RRP1: variants seen among roughly 807,000 people sequenced by gnomAD.
The protein encoded by RRP1 is ribosomal RNA processing protein 1 homolog A.
A neutral mutation model predicts 54.6 loss-of-function variants in RRP1; 37 were observed. The observed-to-expected ratio is 0.68, with a 90% CI of 0.52 to 0.89. RRP1 has a LOEUF of 0.89. Ranked by LOEUF, RRP1 falls within the 40% of genes least tolerant of loss-of-function variation. The pLI is 0.00. For synonymous variants in RRP1, 262 were observed against 244.3 expected, an observed-to-expected ratio of 1.07 and a Z score of -0.67; for missense variants, 639 against 612.5, an observed-to-expected ratio of 1.04 and a Z score of -0.46.
In RRP1 at chr21:43,803,974, C is replaced by T. The variant is rs1051120048; in HGVS notation, c.*200C>T. On this transcript the variant is annotated 3_prime_UTR_variant, in exon 13 of 13. Coordinates refer to ENST00000497547, the MANE Select transcript of RRP1 (RefSeq NM_003683.6). ...GAACTGGACCTTTCCCCAGAGCCTC[C>T]GCCTGTGGCTGTGATGACCTTGGGC... 9.6e-6 allele frequency: 6 copies of T among 625,604 alleles called. No individual in the cohort carries two copies. Among genetic ancestry groups the T allele is most frequent in the South Asian group, 5.9e-5 (2 of 34,078 alleles). 38.8% of individuals were successfully genotyped at this position (625,604 alleles called of 1,614,324 possible).
At position 43,797,501 on chromosome 21, in the gene RRP1, CACTTCA is replaced by C; in HGVS notation, c.503_508del (p.His168_Ile170delinsLeu). On this transcript the variant is annotated inframe_deletion, in exon 6 of 13. Transcript: ENST00000497547. The stretch of plus-strand genomic sequence containing the variant: ...CCAGGCCCCCAACGGTGTGAAGAGC[CACTTCA>C]TCGAGATCTTCCTGGAGGAGCTGAC... 6.2e-7 allele frequency: 1 copy of C among 1,613,958 alleles called. No homozygotes were observed. Among genetic ancestry groups the C allele is most frequent in the Non-Finnish European group, 8.5e-7 (1 of 1,179,992 alleles).
rs774722040 is a variant in RRP1, at chr21:43,799,550, CG to C, written c.812-16del. 214 of 1,594,090 alleles carry C rather than the reference CG, an allele frequency of 1.3e-4. No homozygotes were observed. The highest frequency in any genetic ancestry group is 1.6e-4 in the Non-Finnish European group (189 of 1,174,036). On this transcript the variant is annotated intron_variant, in intron 8 of 12. Coordinates refer to ENST00000497547, the MANE Select transcript of RRP1 (RefSeq NM_003683.6). Reference sequence around the variant, plus strand: ...ACACGTTGGGCACAGGTAGGGTTCACGGGGTCCCTTTTGTTCCAGGCTCCAT... The same window carrying C: ...ACACGTTGGGCACAGGTAGGGTTCACGGGTCCCTTTTGTTCCAGGCTCCAT...
intron 4 of RRP1, among the ~76,000 whole-genome samples, chr21:43,794,172 A>C (rs555482119): frequency 6.6e-6 from 1 of 152,140 alleles, no homozygotes; most frequent in African/African-American, 2.4e-5. Flanking sequence ...GACAGCATAT[A>C]TACCAGTGAT....
intron 3 of RRP1, chr21:43,793,078 T>C: frequency 1.8e-6 from 1 of 562,728 alleles, no homozygotes. Context: ...TCCTCTGTTC[T>C]CTGGTGACCG....
intron 1 of RRP1, among the ~76,000 whole-genome samples, chr21:43,790,072 A>C (rs1215747781): frequency 6.6e-6 from 1 of 152,064 alleles, no homozygotes; most frequent in Admixed American, 6.5e-5. Context: ...CTGTTTGGGC[A>C]CCCAGTATTT....
chr21:43,795,280 G>A (rs1194786819), intron 5 of RRP1, 30 bp downstream of exon 5: 2 of 1,609,748 alleles, frequency 1.2e-6, no homozygotes, highest in East Asian at 2.2e-5. Context: ...GCTCTGGGGG[G>A]ACGCTGTTCT....
In RRP1 at chr21:43,802,222, A is replaced by G; in HGVS notation, c.1010-52A>G. On this transcript the variant is annotated intron_variant, in intron 11 of 12. Coordinates refer to ENST00000497547, the MANE Select transcript of RRP1 (RefSeq NM_003683.6). ...GCCTGCTGGAAGCAGCGAGCCTCAA[A>G]CCATAAGTCCCCAGCCCCCGAGAGC... 2.9e-6 allele frequency: 4 copies of G among 1,383,638 alleles called. No individual in the cohort carries two copies. The East Asian group carries it at 9.1e-5, about 32-fold the overall frequency. The allele number at this position is 1,383,638 out of a possible 1,614,324, so 85.7% of individuals were successfully genotyped here. A position where few individuals can be genotyped will look rare whatever the true frequency, so the allele number is the denominator to read the frequency against.
At chr21:43,795,863 T>C (rs904023587) in intron 5 of RRP1, among the ~76,000 whole-genome samples, 27 of 152,192 alleles carry the variant, frequency 1.8e-4, no homozygotes, top group African/African-American at 6.0e-4. Flanking sequence ...GTAAATTGGC[T>C]GGGCGCGGTG....
chr21:43,803,540 G>T lies in RRP1; in HGVS notation c.1152G>T (p.Pro384=). Residue 384 remains proline, a synonymous_variant, in exon 13 of 13, where the codon CCG becomes CCT. Coordinates refer to ENST00000497547, the MANE Select transcript of RRP1 (RefSeq NM_003683.6). ...RGKGEKEPPS[P]GMERKRSRRR... is the part of the protein sequence containing the mutation. ...AAGGTGAGAAGGAGCCCCCGAGCCC[G>T]GGCATGGAGAGGAAGAGGAGCAGGA... 2.6e-6 allele frequency: 4 copies of T among 1,557,304 alleles called. No homozygotes were observed. The highest frequency in any genetic ancestry group is 4.3e-4 in the Middle Eastern group (2 of 4,688).
intron 8 of RRP1, 46 bp from the exon 9 acceptor site, chr21:43,799,524 C>T: frequency 6.8e-7 from 1 of 1,463,156 alleles, no homozygotes. Context: ...TTGGGGCCAG[C>T]ACACGTTGGG....
chr21:43,802,610 G>T (rs898425864), intron 12 of RRP1: 7 of 529,850 alleles, frequency 1.3e-5, no homozygotes, highest in Non-Finnish European at 2.4e-5. Context: ...CAGCTCCCCC[G>T]AGCTGTGTGC....
Position 43,803,976 on chromosome 21 carries a change from C to A in RRP1, c.*202C>A. ...ACTGGACCTTTCCCCAGAGCCTCCG[C>A]CTGTGGCTGTGATGACCTTGGGCCA... On this transcript the variant is annotated 3_prime_UTR_variant, in exon 13 of 13. Coordinates refer to ENST00000497547, the MANE Select transcript of RRP1 (RefSeq NM_003683.6). 1 of 622,688 alleles carries A rather than the reference C, an allele frequency of 1.6e-6. No individual in the cohort carries two copies. Among genetic ancestry groups the A allele is most frequent in the South Asian group, 2.9e-5 (1 of 34,042 alleles). The allele number at this position is 622,688 out of a possible 1,614,324, so 38.6% of individuals were successfully genotyped here.
At position 43,804,110 on chromosome 21, in the gene RRP1, C is replaced by T. The variant is rs1246650526; in HGVS notation, c.*336C>T. On this transcript the variant is annotated 3_prime_UTR_variant, in exon 13 of 13. Transcript: ENST00000497547. The surrounding 1 kb of genome is among the most constrained non-coding windows in gnomAD (Gnocchi z 4.3). Reference sequence around the variant, plus strand: ...GCGCAGCCCTTGCCAGGGGAAGTGTCGCTTCAGGTGTGTCCTACGGACGTG... The same window carrying T: ...GCGCAGCCCTTGCCAGGGGAAGTGTTGCTTCAGGTGTGTCCTACGGACGTG... 2.0e-5 allele frequency: 6 copies of T among 294,998 alleles called. No individual in the cohort carries two copies. Among genetic ancestry groups the T allele is most frequent in the Admixed American group, 5.1e-5 (1 of 19,580 alleles). The allele number at this position is 294,998 out of a possible 1,614,324, so 18.3% of individuals were successfully genotyped here.
At chr21:43,800,666 T>C (rs778860524) in intron 10 of RRP1, 52 bp downstream of exon 10, 1 of 1,586,092 alleles carries the variant, frequency 6.3e-7, no homozygotes, top group Non-Finnish European at 8.6e-7. Context: ...AGTTGCCCTT[T>C]CTTGCTCAGA....
intron 10 of RRP1, 76 bp downstream of exon 10, chr21:43,800,690 G>C (rs1252264150): frequency 1.3e-6 from 2 of 1,533,898 alleles, no homozygotes; most frequent in South Asian, 2.3e-5. Context: ...GGGTGCCTTT[G>C]CCTTGTCCTG....
At chr21:43,799,375 C>CT (rs2085057970) in intron 8 of RRP1, among the ~76,000 whole-genome samples, 195 bp from the exon 9 acceptor site, 1 of 98,456 alleles carries the variant, frequency 1.0e-5, no homozygotes, top group African/African-American at 4.6e-5. Context: ...CACCTAGTAT[C>CT]TGCCTTGAGC....
At chr21:43,791,328 A>C in intron 1 of RRP1, 22 bp from the exon 2 acceptor site, 1 of 1,613,120 alleles carries the variant, frequency 6.2e-7, no homozygotes, top group Non-Finnish European at 8.5e-7. Context: ...CATTTGGTCC[A>C]ACCGTTGCTG....
At chr21:43,802,511 C>A in intron 12 of RRP1, 124 bp downstream of exon 12, 1 of 752,522 alleles carries the variant, frequency 1.3e-6, no homozygotes, top group South Asian at 1.5e-5. Context: ...ATCCTGGGTG[C>A]CTGCTATCCA....
At chr21:43,793,242 C>T in intron 3 of RRP1, 77 bp from the exon 4 acceptor site, 1 of 1,278,192 alleles carries the variant, frequency 7.8e-7, no homozygotes, top group Non-Finnish European at 1.1e-6. Flanking sequence ...AGAACGGGTT[C>T]CTCCATGTTC....
Sources: allele counts gnomAD v4.1 joint callset (sites outside exome capture counted in the v4.1 genomes callset), GRCh38; gene constraint gnomAD v4.1.1; non-coding constraint Gnocchi (gnomAD v3.1); transcripts MANE v1.5; gene names NCBI Gene and HGNC (gene_info 2026-07-23, HGNC 2026-07-21).